SCEL: variants seen among roughly 807,000 people sequenced by gnomAD.
SCEL encodes sciellin.
SCEL carries 113 observed loss-of-function variants against 117.6 expected under a neutral mutation model. That is an observed-to-expected ratio of 0.96 (90% CI 0.83 to 1.12). The LOEUF is 1.12. Among genes scored for constraint, SCEL ranks in the 50% most tolerant of loss-of-function variants. The probability of loss-of-function intolerance (pLI) is 0.00; values close to 1 mark genes in which losing one functional copy is unlikely to be tolerated. For missense variants in SCEL, 785 were observed against 810.8 expected (o/e 0.97, Z 0.39); for synonymous variants, 270 against 256.2 (o/e 1.05, Z -0.51).
rs77604278 is a variant in SCEL at position 77,624,947 on chromosome 13, C to A, written c.1629-3000C>A. ...ATTAATTCCACAAATATTTATGGAG[C>A]AGCTACTATGTGCAAGGCCATGTTA... On this transcript the variant is annotated intron_variant, in intron 27 of 32. Transcript: ENST00000349847. Among the ~76,000 whole-genome samples, 1,067 of 152,256 alleles carry A rather than the reference C, an allele frequency of 7.0e-3. 16 individuals are homozygous for A. Among genetic ancestry groups the A allele is most frequent in the African/African-American group, 0.024 (1,007 of 41,546 alleles).
intron 12 of SCEL, among the ~76,000 whole-genome samples, chr13:77,595,497 C>T (rs187758725): frequency 4.6e-5 from 7 of 152,228 alleles, no homozygotes; most frequent in Non-Finnish European, 7.4e-5. Context: ...TTTAATTTGC[C>T]ACAGAGTGTC....
chr13:77,623,593 C>T (rs1394251186), intron 27 of SCEL: 5 of 152,158 alleles, frequency 3.3e-5, no homozygotes, highest in Non-Finnish European at 7.4e-5. Flanking sequence ...AACTGTACCA[C>T]TTTGGAAATG....
chr13:77,558,062 T>C (rs758960098), intron 3 of SCEL, among the ~76,000 whole-genome samples: 60 of 152,256 alleles, frequency 3.9e-4, no homozygotes, highest in Non-Finnish European at 1.3e-4. Flanking sequence ...CATTTATTGC[T>C]TCTGTCAAAG....
intron 9 of SCEL, among the ~76,000 whole-genome samples, chr13:77,583,948 C>T (rs571865825): frequency 5.9e-5 from 9 of 152,312 alleles, no homozygotes; most frequent in Non-Finnish European, 1.2e-4. Context: ...GGCCTTTGAG[C>T]TACAGTCTGC....
chr13:77,543,245 G>A (rs1434462884), intron 1 of SCEL, among the ~76,000 whole-genome samples: 8 of 151,376 alleles, frequency 5.3e-5, no homozygotes, highest in East Asian at 1.9e-4. Flanking sequence ...CACCACGCCC[G>A]GCTAATTTTT....
intron 28 of SCEL, among the ~76,000 whole-genome samples, chr13:77,628,467 A>G (rs1194099874): frequency 6.6e-6 from 1 of 152,064 alleles, no homozygotes; most frequent in Admixed American, 6.6e-5. Flanking sequence ...ACAAAACAGG[A>G]CCTAATTTTG....
rs577318031 is a variant in SCEL at position 77,560,894 on chromosome 13, G to T, written c.221+1031G>T. On this transcript the variant is annotated intron_variant, in intron 4 of 32. Coordinates refer to ENST00000349847, the MANE Select transcript of SCEL (RefSeq NM_144777.3). ...ATCTTAAAAAGTTAAGCAGACACTTGGGACACGTCTATTTTGGAAACTTTT... is the reference window on the plus strand; with the variant it reads ...ATCTTAAAAAGTTAAGCAGACACTTTGGACACGTCTATTTTGGAAACTTTT... Among the ~76,000 whole-genome samples, 46 of 150,652 alleles carry T rather than the reference G, an allele frequency of 3.1e-4. No homozygotes were observed. The South Asian group carries it at 9.3e-3, about 30-fold the overall frequency.
chr13:77,619,557 G>A (rs1423394633), intron 27 of SCEL, among the ~76,000 whole-genome samples: 2 of 152,094 alleles, frequency 1.3e-5, no homozygotes, highest in Non-Finnish European at 2.9e-5. Context: ...ACAGTTAAAG[G>A]AGTATGATCA....
At chr13:77,602,043 CT>C in intron 15 of SCEL, 21 bp from the exon 16 acceptor site, 2 of 1,592,502 alleles carry the variant, frequency 1.3e-6, no homozygotes, top group Middle Eastern at 2.0e-4. Flanking sequence ...CTTTCTCTTT[CT>C]TTTCCCCCAA....
At chr13:77,569,531 G>T in intron 8 of SCEL, 80 bp downstream of exon 8, 1 of 1,072,380 alleles carries the variant, frequency 9.3e-7, no homozygotes, top group Non-Finnish European at 1.4e-6. Context: ...TCTTTTTTGT[G>T]GGGATCCAGC....
At chr13:77,619,202 T>G (rs1025533959) in intron 27 of SCEL, among the ~76,000 whole-genome samples, 3 of 152,192 alleles carry the variant, frequency 2.0e-5, no homozygotes, top group African/African-American at 7.2e-5. Context: ...ATGATTGGCC[T>G]AACTCTTACA....
chr13:77,634,681 A>G (rs1278350483), intron 29 of SCEL, among the ~76,000 whole-genome samples: 3 of 152,230 alleles, frequency 2.0e-5, no homozygotes, highest in Non-Finnish European at 4.4e-5. Flanking sequence ...AGTATAACAC[A>G]TGTATACATA....
At chr13:77,571,797 T>A (rs923394186) in intron 8 of SCEL, among the ~76,000 whole-genome samples, 11 of 151,604 alleles carry the variant, frequency 7.3e-5, no homozygotes, top group Non-Finnish European at 1.0e-4. Context: ...ATAGGGAGAA[T>A]AGGAGAATAA....
At chr13:77,625,788 G>T (rs1407578040) in intron 27 of SCEL, among the ~76,000 whole-genome samples, 1 of 152,180 alleles carries the variant, frequency 6.6e-6, no homozygotes, top group East Asian at 1.9e-4. Context: ...GTGAGTGAGA[G>T]TCTGTATACT....
intron 9 of SCEL, among the ~76,000 whole-genome samples, chr13:77,587,506 T>A (rs777003495): frequency 4.6e-5 from 7 of 152,042 alleles, no homozygotes; most frequent in Non-Finnish European, 1.0e-4. Flanking sequence ...GCTTCCCCAT[T>A]TTTTCCTAAA....
chr13:77,580,830 A>C (rs1234126672), intron 9 of SCEL, among the ~76,000 whole-genome samples: 5 of 152,168 alleles, frequency 3.3e-5, no homozygotes, highest in Admixed American at 3.3e-4. Context: ...ATTACCATAT[A>C]AATATTTTCT....
At chr13:77,617,541 A>G (rs1431162291) in intron 24 of SCEL, 58 bp from the exon 25 acceptor site, 4 of 991,872 alleles carry the variant, frequency 4.0e-6, no homozygotes, top group Non-Finnish European at 6.2e-6. Flanking sequence ...ATTTCCAATT[A>G]CCTTAAACCT....
At chr13:77,641,217 C>T (rs2090543287) in intron 31 of SCEL, among the ~76,000 whole-genome samples, 1 of 152,186 alleles carries the variant, frequency 6.6e-6, no homozygotes, top group African/African-American at 2.4e-5. Context: ...GAACGTCAGT[C>T]TGCTTTTGAG....
chr13:77,554,333 A>G (rs779731166), intron 1 of SCEL, among the ~76,000 whole-genome samples: 1 of 152,188 alleles, frequency 6.6e-6, no homozygotes, highest in Non-Finnish European at 1.5e-5. Context: ...CAAATCCTCA[A>G]GGAAGGTGCA....
Sources: allele counts gnomAD v4.1 joint callset (sites outside exome capture counted in the v4.1 genomes callset), GRCh38; gene constraint gnomAD v4.1.1; transcripts MANE v1.5; gene names NCBI Gene and HGNC (gene_info 2026-07-23, HGNC 2026-07-21).